The following ARGLU1 variants were observed in gnomAD, a reference collection of about 807,000 sequenced individuals.
ARGLU1 encodes arginine and glutamate rich 1.
In ARGLU1, 9 loss-of-function variants were observed where a neutral mutation model predicts 37.6. The ratio of observed to expected loss-of-function variants is 0.24; its 90% CI spans 0.14 to 0.42. The LOEUF (loss-of-function observed/expected upper bound fraction) is 0.42, where lower values mean the gene tolerates loss of function less well. Ranked by LOEUF, ARGLU1 falls within the 10% of genes least tolerant of loss-of-function variation. ARGLU1 has a pLI of 1.00. For synonymous variants in ARGLU1, 166 were observed against 138.5 expected, an observed-to-expected ratio of 1.20 and a Z score of -1.39; for missense variants, 211 against 359.2, an observed-to-expected ratio of 0.59 and a Z score of 3.34.
intron 1 of ARGLU1, among the ~76,000 whole-genome samples, chr13:106,565,770 G>A (rs992818769): frequency 6.6e-6 from 1 of 152,116 alleles, no homozygotes; most frequent in Admixed American, 6.5e-5. Flanking sequence ...TGCTAGTCCT[G>A]GTCCCTTCTC....
At chr13:106,558,654 T>G in intron 2 of ARGLU1, 1 of 985,436 alleles carries the variant, frequency 1.0e-6, no homozygotes. Context: ...CAAATTACTG[T>G]CTCACAGAAA....
rs779565381 is a variant in ARGLU1, at chr13:106,567,743, G to A, written c.177C>T (p.Arg59=). 2.9e-5 allele frequency: 47 copies of A among 1,611,852 alleles called. No homozygotes were observed. The highest frequency in any genetic ancestry group is 1.7e-4 in the Middle Eastern group (1 of 6,032). Residue 59 remains arginine (R), a synonymous_variant, in exon 1 of 4, where the codon CGC becomes CGT. Transcript: ENST00000400198. The surrounding 1 kb of genome is among the most constrained non-coding windows in gnomAD (Gnocchi z 4.3). ...GCCGGGACACGGCCGTGTTGGTGGAGCGCGAACGGGACCGCGACTCCCGCC... is the reference window on the plus strand; with the variant it reads ...GCCGGGACACGGCCGTGTTGGTGGAACGCGAACGGGACCGCGACTCCCGCC... ...NRRRESRSRS[R]STNTAVSRRE...
chr13:106,566,709 C>A (rs1880972777), intron 1 of ARGLU1, among the ~76,000 whole-genome samples: 1 of 152,084 alleles, frequency 6.6e-6, no homozygotes, highest in African/African-American at 2.4e-5. Context: ...CGGAAACACA[C>A]TCTAACTCTA....
intron 3 of ARGLU1, among the ~76,000 whole-genome samples, chr13:106,548,762 T>A (rs117109508): frequency 3.4e-3 from 520 of 152,314 alleles, no homozygotes; most frequent in Admixed American, 8.4e-3. Flanking sequence ...TATTTATTTA[T>A]TTTTAGACAG....
At chr13:106,558,214 C>T in intron 2 of ARGLU1, 1 of 984,964 alleles carries the variant, frequency 1.0e-6, no homozygotes, top group Non-Finnish European at 1.2e-6. Flanking sequence ...AGCACCATTA[C>T]TCCAAAAATA....
At chr13:106,558,361 T>A in intron 2 of ARGLU1, 1 of 985,292 alleles carries the variant, frequency 1.0e-6, no homozygotes, top group South Asian at 4.7e-5. Flanking sequence ...AAAGCTAAGC[T>A]TACCAGAAAG....
chr13:106,567,561 G>A lies in ARGLU1; in HGVS notation c.347+12C>T. 6.4e-7 allele frequency: 1 copy of A among 1,572,610 alleles called. No homozygotes were observed. The highest frequency in any genetic ancestry group is 8.7e-7 in the Non-Finnish European group (1 of 1,142,878). ...TCCGCACGCCCCGGTCCCTCCCCGC[G>A]CGGGCACTCACATTTTTCGCTGCCG... is the stretch of plus-strand genomic sequence containing the variant. On this transcript the variant is annotated intron_variant, in intron 1 of 3. Coordinates refer to ENST00000400198, the MANE Select transcript of ARGLU1 (RefSeq NM_018011.4). The surrounding 1 kb of genome is among the most constrained non-coding windows in gnomAD (Gnocchi z 4.3).
In ARGLU1 at chr13:106,542,744, A is replaced by G. The variant is rs903081853; in HGVS notation, c.*1252T>C. 2 of 151,996 alleles carry G rather than the reference A, an allele frequency of 1.3e-5. No homozygotes were observed. Among genetic ancestry groups the G allele is most frequent in the Non-Finnish European group, 2.9e-5 (2 of 67,926 alleles). The allele number at this position is 151,996 out of a possible 1,614,324, so 9.4% of individuals were successfully genotyped here. A position where few individuals can be genotyped will look rare whatever the true frequency, so the allele number is the denominator to read the frequency against. On this transcript the variant is annotated 3_prime_UTR_variant, in exon 4 of 4. Transcript: ENST00000400198. ...TCCTTTTCTTGAATGTTTTAATACC[A>G]GTATACTTAAACATATGTTAAGAGT...
intron 2 of ARGLU1, chr13:106,558,333 A>G (rs1172382387): frequency 1.0e-6 from 1 of 985,120 alleles, no homozygotes; most frequent in Non-Finnish European, 1.2e-6. Context: ...AAGACAGGAC[A>G]AGGGAAAATG....
chr13:106,567,178 C>T lies in ARGLU1; in HGVS notation c.347+395G>A, dbSNP rs2138979415. Among the ~76,000 whole-genome samples, 1 of 152,208 alleles carries T rather than the reference C, an allele frequency of 6.6e-6. No homozygotes were observed. The highest frequency in any genetic ancestry group is 6.5e-5 in the Admixed American group (1 of 15,298). Reference sequence around the variant, plus strand: ...AATTCCCTTCTCTCTCCTCCTCAAGCCGACCAGCAAACGCTCACCACCCTC... The same window carrying T: ...AATTCCCTTCTCTCTCCTCCTCAAGTCGACCAGCAAACGCTCACCACCCTC... On this transcript the variant is annotated intron_variant, in intron 1 of 3. Transcript: ENST00000400198. This position sits in a 1 kb window ranked among gnomAD's most constrained non-coding sequence, Gnocchi z 4.3.
rs1211384245 is a variant in ARGLU1, at chr13:106,557,687, C to T, written c.574-556G>A. The T allele has an allele frequency of 1.3e-6, 2 of 1,537,482 alleles. No individual in the cohort carries two copies. Among genetic ancestry groups the T allele is most frequent in the African/African-American group, 2.7e-5 (2 of 73,018 alleles). On this transcript the variant is annotated intron_variant, in intron 2 of 3. Coordinates refer to ENST00000400198, the MANE Select transcript of ARGLU1 (RefSeq NM_018011.4). This position sits in a 1 kb window ranked among gnomAD's most constrained non-coding sequence, Gnocchi z 5.0. ...AGCTCAACCATTTATAAAGAAACAA[C>T]ATACAAGGAAGGCTGAGCTGAGGAA...
chr13:106,552,388 A>C (rs1214375875), intron 3 of ARGLU1, among the ~76,000 whole-genome samples: 1 of 152,132 alleles, frequency 6.6e-6, no homozygotes, highest in Admixed American at 6.5e-5. Context: ...ATGTTACCTA[A>C]AATTTTATTA....
At chr13:106,548,684 C>CA (rs1880456972) in intron 3 of ARGLU1, among the ~76,000 whole-genome samples, 1 of 151,974 alleles carries the variant, frequency 6.6e-6, no homozygotes, top group Admixed American at 6.6e-5. Flanking sequence ...AGTACACACA[C>CA]AAAAAAATGT....
rs1392468611 is a variant in ARGLU1, at chr13:106,563,005, A to C, written c.348-3348T>G. On this transcript the variant is annotated intron_variant, in intron 1 of 3. Transcript: ENST00000400198. ...GACCCTGTCTCAAAAAAAAAAAAAAAAAACAAAAAAAAAAACCACTAGTCA... is the reference window on the plus strand; with the variant it reads ...GACCCTGTCTCAAAAAAAAAAAAAACAAACAAAAAAAAAAACCACTAGTCA... 7.3e-5 allele frequency among the ~76,000 whole-genome samples: 9 copies of C among 122,988 alleles called. No individual in the cohort carries two copies. In the East Asian group the frequency reaches 1.4e-3, roughly 20 times the overall value. The allele number at this position is 122,988 out of a possible 152,430, so 80.7% of individuals were successfully genotyped here.
chr13:106,562,108 C>G (rs192517734), intron 1 of ARGLU1, among the ~76,000 whole-genome samples: 98 of 152,278 alleles, frequency 6.4e-4, no homozygotes, highest in Non-Finnish European at 1.0e-3. Context: ...CAAGGCATCC[C>G]AATATGAAAA....
intron 3 of ARGLU1, among the ~76,000 whole-genome samples, chr13:106,556,307 G>C (rs1410081557): frequency 6.6e-6 from 1 of 152,138 alleles, no homozygotes; most frequent in African/African-American, 2.4e-5. Flanking sequence ...AAGTTATCTG[G>C]AATATTTCTA....
At position 106,567,284 on chromosome 13, in the gene ARGLU1, C is replaced by G. The variant is rs1880995175; in HGVS notation, c.347+289G>C. Among the ~76,000 whole-genome samples, 1 of 150,928 alleles carries G rather than the reference C, an allele frequency of 6.6e-6. No homozygotes were observed. The highest frequency in any genetic ancestry group is 2.4e-5 in the African/African-American group (1 of 40,880). Reference sequence around the variant, plus strand: ...TCACTCCGAACTCCACCCCTACTTCCGGGACACCACTCCTCTCTCGCGCCA... The same window carrying G: ...TCACTCCGAACTCCACCCCTACTTCGGGGACACCACTCCTCTCTCGCGCCA... On this transcript the variant is annotated intron_variant, in intron 1 of 3. Coordinates refer to ENST00000400198, the MANE Select transcript of ARGLU1 (RefSeq NM_018011.4). This position sits in a 1 kb window ranked among gnomAD's most constrained non-coding sequence, Gnocchi z 4.3.
intron 1 of ARGLU1, among the ~76,000 whole-genome samples, chr13:106,565,783 T>G (rs1880945943): frequency 6.6e-6 from 1 of 152,194 alleles, no homozygotes; most frequent in Admixed American, 6.5e-5. Context: ...CCCTTCTCCC[T>G]CCTAAATACT....
At position 106,544,014 on chromosome 13, in the gene ARGLU1, T is replaced by C. The variant is rs768809885; in HGVS notation, c.804A>G (p.Ser268=). The C allele has an allele frequency of 3.0e-5, 48 of 1,583,758 alleles. No homozygotes were observed. The South Asian group carries it at 3.1e-4, about 10-fold the overall frequency. Residue 268 remains serine (S), a synonymous_variant, in exon 4 of 4, where the codon TCA becomes TCG. Coordinates refer to ENST00000400198, the MANE Select transcript of ARGLU1 (RefSeq NM_018011.4). The part of the protein sequence containing the change: ...KGKSRPKLSF[S]LKTQD ...TTGCAATTTAATCCTGGGTTTTTAATGAGAAGGACAGTTTTGGCCTGGACT... is the reference window on the plus strand; with the variant it reads ...TTGCAATTTAATCCTGGGTTTTTAACGAGAAGGACAGTTTTGGCCTGGACT...
Sources: gnomAD v4.1 joint callset for allele counts (sites outside exome capture counted in the v4.1 genomes callset) on GRCh38, gnomAD v4.1.1 for gene constraint, Gnocchi (gnomAD v3.1) non-coding constraint, MANE v1.5 for transcripts, NCBI Gene and HGNC (gene_info 2026-07-23, HGNC 2026-07-21) for gene names.